Variants in CYP2C19 observed in about 807,000 individuals in gnomAD.
The protein encoded by CYP2C19 is cytochrome P450 2C19.
Under a neutral mutation model 40.9 loss-of-function variants are expected in CYP2C19, and 59 were observed. The ratio of observed to expected loss-of-function variants is 1.44; its 90% CI spans 1.17 to 1.79. The LOEUF (loss-of-function observed/expected upper bound fraction) is 1.79. CYP2C19 is among the 40% of genes most tolerant of loss of function. The pLI, the probability that CYP2C19 is intolerant of heterozygous loss-of-function variation, is 0.00. For missense variants in CYP2C19, 754 were observed against 596.9 expected (o/e 1.26, Z -2.74); for synonymous variants, 253 against 208.7 (o/e 1.21, Z -1.83).
rs1849701691 is a variant in CYP2C19, at chr10:94,854,355, C to T, written c.*1441C>T. 1.3e-5 allele frequency among the ~76,000 whole-genome samples: 2 copies of T among 152,156 alleles called. No individual in the cohort carries two copies. The highest frequency in any genetic ancestry group is 4.2e-4 in the South Asian group (2 of 4,814). On this transcript the variant is annotated 3_prime_UTR_variant, in exon 9 of 9. Coordinates refer to ENST00000371321, the MANE Select transcript of CYP2C19 (RefSeq NM_000769.4). ...CTAAGAAGAATTACCAGGGTTTAAT[C>T]TTTTTCAGCTTCTCCTATATTGTTT...
At chr10:94,782,142 C>A in intron 5 of CYP2C19, 145 bp downstream of exon 5, 2 of 532,438 alleles carry the variant, frequency 3.8e-6, no homozygotes, top group Non-Finnish European at 6.4e-6. Context: ...GCATGAATAT[C>A]CAGTAAGCAT....
chr10:94,817,025 G>A (rs978074886), intron 5 of CYP2C19, among the ~76,000 whole-genome samples: 3 of 111,570 alleles, frequency 2.7e-5, no homozygotes, highest in Non-Finnish European at 5.7e-5. Flanking sequence ...TGTGAATAAT[G>A]CCGCAATAAA....
Position 94,808,586 on chromosome 10 carries a change from C to G in CYP2C19, c.820-11910C>G, listed in dbSNP as rs956839305. Among the ~76,000 whole-genome samples, 7 of 152,178 alleles carry G rather than the reference C, an allele frequency of 4.6e-5. No individual in the cohort carries two copies. The South Asian group carries it at 1.4e-3, about 32-fold the overall frequency. On this transcript the variant is annotated intron_variant, in intron 5 of 8. Transcript: ENST00000371321. ...ATTTCCACTCCCCTTCACCCACTCACTGTCCCTCCCAGCCTCTGGTAACCA... is the reference window on the plus strand; with the variant it reads ...ATTTCCACTCCCCTTCACCCACTCAGTGTCCCTCCCAGCCTCTGGTAACCA...
intron 6 of CYP2C19, among the ~76,000 whole-genome samples, chr10:94,830,497 C>T (rs1375824186): frequency 6.6e-6 from 1 of 152,182 alleles, no homozygotes; most frequent in Non-Finnish European, 1.5e-5. Flanking sequence ...TGAGGCAATG[C>T]CTCGCCCTGC....
intron 6 of CYP2C19, among the ~76,000 whole-genome samples, chr10:94,824,452 G>C (rs892288979): frequency 1.6e-4 from 24 of 152,154 alleles, no homozygotes; most frequent in Admixed American, 1.6e-3. Context: ...TTTGGAAAGT[G>C]TGAGAATGAA....
intron 8 of CYP2C19, among the ~76,000 whole-genome samples, chr10:94,851,527 C>T (rs1353005284): frequency 6.6e-6 from 1 of 151,904 alleles, no homozygotes; most frequent in Non-Finnish European, 1.5e-5. Flanking sequence ...GTGACACATG[C>T]TGTCTGTTTC....
rs537050749 is a variant in CYP2C19 at position 94,781,951 on chromosome 10, A to G, written c.773A>G (p.Asn258Ser). 5.9e-6 allele frequency: 9 copies of G among 1,523,272 alleles called. No individual in the cohort carries two copies. In the African/African-American group the frequency reaches 8.7e-5, roughly 15 times the overall value. 94.4% of individuals were successfully genotyped at this position (1,523,272 alleles called of 1,614,324 possible). Residue 258 changes from asparagine to serine, a missense_variant, in exon 5 of 9, where the codon AAC becomes AGC. Transcript: ENST00000371321. Reference protein sequence around the residue: ...VKEHQESMDINNPRDFIDCFL... With the variant: ...VKEHQESMDISNPRDFIDCFL... ...GAACACCAAGAATCGATGGACATCA[A>G]CAACCCTCGGGACTTTATTGATTGC...
At chr10:94,840,486 G>A (rs1849475353) in intron 6 of CYP2C19, among the ~76,000 whole-genome samples, 1 of 152,126 alleles carries the variant, frequency 6.6e-6, no homozygotes, top group Non-Finnish European at 1.5e-5. Flanking sequence ...TCCCTTTAGA[G>A]ATACAACTTG....
chr10:94,804,343 A>G (rs1020404078), intron 5 of CYP2C19, among the ~76,000 whole-genome samples: 1 of 152,202 alleles, frequency 6.6e-6, no homozygotes, highest in Admixed American at 6.5e-5. Context: ...GCTTTCCACA[A>G]TTATGGCTGT....
intron 5 of CYP2C19, among the ~76,000 whole-genome samples, chr10:94,794,358 C>G (rs1018112540): frequency 6.6e-6 from 1 of 152,092 alleles, no homozygotes; most frequent in Non-Finnish European, 1.5e-5. Context: ...ATGGGCTGTA[C>G]CCATTGTCTG....
intron 1 of CYP2C19, among the ~76,000 whole-genome samples, chr10:94,769,929 G>T (rs1848303295): frequency 6.6e-6 from 1 of 152,166 alleles, no homozygotes; most frequent in Non-Finnish European, 1.5e-5. Flanking sequence ...TAATAAGGGT[G>T]TGGGACTTTC....
intron 5 of CYP2C19, among the ~76,000 whole-genome samples, chr10:94,786,656 C>T (rs1589351766): frequency 6.6e-6 from 1 of 152,094 alleles, no homozygotes. Context: ...AGAATAGTAC[C>T]CAATAGGTAG....
intron 5 of CYP2C19, among the ~76,000 whole-genome samples, chr10:94,797,187 A>T (rs775549487): frequency 6.6e-6 from 1 of 152,010 alleles, no homozygotes; most frequent in Non-Finnish European, 1.5e-5. Context: ...ATTTATTGAG[A>T]GTTTTTAGCA....
intron 5 of CYP2C19, among the ~76,000 whole-genome samples, chr10:94,794,739 T>C (rs755262542): frequency 6.6e-6 from 1 of 152,108 alleles, no homozygotes; most frequent in Non-Finnish European, 1.5e-5. Context: ...CTTGTGATTT[T>C]TGCACATTGA....
At chr10:94,768,459 T>C (rs900515899) in intron 1 of CYP2C19, among the ~76,000 whole-genome samples, 2 of 152,162 alleles carry the variant, frequency 1.3e-5, no homozygotes, top group African/African-American at 4.8e-5. Flanking sequence ...TGGTTCCCCA[T>C]CCTCTGGGAG....
In CYP2C19 at chr10:94,794,576, T is replaced by C. The variant is rs1848656193; in HGVS notation, c.819+12579T>C. Among the ~76,000 whole-genome samples, 2 of 152,138 alleles carry C rather than the reference T, an allele frequency of 1.3e-5. 1 individual carries two copies. ...CATTTCTTTGTGTCCTCTTTTATTT[T>C]GTTGAGCAGTGGTTGGTAGTTCTCC... On this transcript the variant is annotated intron_variant, in intron 5 of 8. Coordinates refer to ENST00000371321, the MANE Select transcript of CYP2C19 (RefSeq NM_000769.4).
At position 94,855,328 on chromosome 10, in the gene CYP2C19, C is replaced by T. The variant is rs1849714648; in HGVS notation, c.*2414C>T. ...AAGCATCTTGTTCAAGGTCACACAG[C>T]TTTTTAAGTGTCAGAGCCAACAATT... On this transcript the variant is annotated 3_prime_UTR_variant, in exon 9 of 9. Coordinates refer to ENST00000371321, the MANE Select transcript of CYP2C19 (RefSeq NM_000769.4). 6.6e-6 allele frequency among the ~76,000 whole-genome samples: 1 copy of T among 152,186 alleles called. No individual in the cohort carries two copies. Among genetic ancestry groups the T allele is most frequent in the Non-Finnish European group, 1.5e-5 (1 of 68,042 alleles).
chr10:94,809,834 T>C (rs1308829832), intron 5 of CYP2C19, among the ~76,000 whole-genome samples: 4 of 152,166 alleles, frequency 2.6e-5, no homozygotes, highest in African/African-American at 9.7e-5. Flanking sequence ...ATGTGGTTTT[T>C]CTCATTGGTT....
At chr10:94,772,146 G>A (rs1464641653) in intron 1 of CYP2C19, among the ~76,000 whole-genome samples, 1 of 152,176 alleles carries the variant, frequency 6.6e-6, no homozygotes, top group Non-Finnish European at 1.5e-5. Flanking sequence ...TCCAGAGTTG[G>A]AAGTGTGATG....
Sources: gnomAD v4.1 joint callset for allele counts (sites outside exome capture counted in the v4.1 genomes callset) on GRCh38, gnomAD v4.1.1 for gene constraint, MANE v1.5 for transcripts, NCBI Gene and HGNC (gene_info 2026-07-23, HGNC 2026-07-21) for gene names.